ATRN: variants seen among roughly 807,000 people sequenced by gnomAD.
The protein encoded by ATRN is attractin, also known as attractin-2.
Under a neutral mutation model 178.7 loss-of-function variants are expected in ATRN, and 54 were observed. The observed-to-expected ratio is 0.30, with a 90% confidence interval of 0.24 to 0.38. ATRN has a LOEUF of 0.38. ATRN is among the 10% of genes least tolerant of loss of function. The pLI is 1.00. For synonymous variants in ATRN, 636 were observed against 663.0 expected, an observed-to-expected ratio of 0.96 and a Z score of 0.63; for missense variants, 1,443 against 1,815.1, an observed-to-expected ratio of 0.79 and a Z score of 3.73.
At chr20:3,548,600 C>CAAA (rs58357636) in intron 5 of ATRN, among the ~76,000 whole-genome samples, 1 of 114,376 alleles carries the variant, frequency 8.7e-6, no homozygotes. Flanking sequence ...GACTCCATCT[C>CAAA]AAAAAAAAAA....
rs891845516 is a variant in ATRN at position 3,544,496 on chromosome 20, T to TGTGGTG, written c.609-1244_609-1239dup. 5.1e-3 allele frequency among the ~76,000 whole-genome samples: 772 copies of TGTGGTG among 151,648 alleles called. 11 individuals carry two copies. Among genetic ancestry groups the TGTGGTG allele is most frequent in the African/African-American group, 0.017 (711 of 41,326 alleles). Reference sequence around the variant, plus strand: ...GGCAAGGATATAGGCTTTTACCAAATGTGGTGGTGGTGGTGGTGGTGGTGG... The same window carrying TGTGGTG: ...GGCAAGGATATAGGCTTTTACCAAATGTGGTGGTGGTGGTGGTGGTGGTGGTGGTGG... On this transcript the variant is annotated intron_variant, in intron 3 of 28. Coordinates refer to ENST00000262919, the MANE Select transcript of ATRN (RefSeq NM_139321.3).
chr20:3,583,160 C>T (rs1164614850), intron 16 of ATRN, among the ~76,000 whole-genome samples: 1 of 152,214 alleles, frequency 6.6e-6, no homozygotes, highest in Non-Finnish European at 1.5e-5. Flanking sequence ...CTAAACTTCT[C>T]TAGGGGAGCT....
intron 26 of ATRN, among the ~76,000 whole-genome samples, chr20:3,635,022 C>CGTGT: frequency 6.6e-6 from 1 of 151,712 alleles, no homozygotes; most frequent in Admixed American, 6.6e-5. Flanking sequence ...TGTGTATGTG[C>CGTGT]GTGTGTATGT....
At chr20:3,603,986 C>A in intron 23 of ATRN, 119 bp from the exon 24 acceptor site, 1 of 827,952 alleles carries the variant, frequency 1.2e-6, no homozygotes, top group Non-Finnish European at 1.8e-6. Flanking sequence ...AAGGCTATTA[C>A]TGGAACACAG....
intron 25 of ATRN, chr20:3,628,774 CAACT>C (rs1218500916): frequency 1.4e-5 from 8 of 552,862 alleles, no homozygotes; most frequent in African/African-American, 2.1e-5. Flanking sequence ...TGATATCAAC[CAACT>C]GACTGCTTCA....
At chr20:3,628,044 C>T (rs567701376) in intron 25 of ATRN, among the ~76,000 whole-genome samples, 5 of 152,016 alleles carry the variant, frequency 3.3e-5, no homozygotes, top group Admixed American at 6.6e-5. Flanking sequence ...CGGTGGTGGG[C>T]GCCTATAATC....
At chr20:3,559,263 G>T in intron 6 of ATRN, 130 bp from the exon 7 acceptor site, 1 of 693,998 alleles carries the variant, frequency 1.4e-6, no homozygotes, top group Non-Finnish European at 2.6e-6. Flanking sequence ...ATTTGTGAAG[G>T]TGACAAGTGC....
At position 3,576,886 on chromosome 20, in the gene ATRN, C is replaced by G. The variant is rs779569046; in HGVS notation, c.2242C>G (p.Pro748Ala). Residue 748 changes from proline to alanine, a missense_variant, in exon 14 of 29, where the codon CCC becomes GCC. Around this residue, in one of 4 missense-constraint regions of ATRN, gnomAD observed 862 missense variants for 972.1 expected, o/e 0.89. Coordinates refer to ENST00000262919, the MANE Select transcript of ATRN (RefSeq NM_139321.3). ...QISIFRYENC[P>A]KDNPMYYCNK... ...CTCCATTTTTAGGTATGAGAATTGC[C>G]CCAAGGATAACCCCATGTACTACTG... 2 of 1,613,968 alleles carry G rather than the reference C, an allele frequency of 1.2e-6. No individual in the cohort carries two copies. Among genetic ancestry groups the G allele is most frequent in the East Asian group, 4.5e-5 (2 of 44,866 alleles).
chr20:3,590,974 A>G (rs2086433704), intron 18 of ATRN, among the ~76,000 whole-genome samples, 195 bp from the exon 19 acceptor site: 1 of 152,232 alleles, frequency 6.6e-6, no homozygotes, highest in Non-Finnish European at 1.5e-5. Context: ...TTGCTGTGAT[A>G]CATTTTCAAT....
At chr20:3,592,967 TAGAC>T in intron 19 of ATRN, among the ~76,000 whole-genome samples, 1 of 152,340 alleles carries the variant, frequency 6.6e-6, no homozygotes, top group South Asian at 2.1e-4. Flanking sequence ...CTTAATCCGT[TAGAC>T]AGTAACCAGA....
intron 25 of ATRN, chr20:3,628,761 C>T (rs927889944): frequency 9.2e-5 from 39 of 424,620 alleles, no homozygotes; most frequent in African/African-American, 8.0e-4. Context: ...CTTGACTTCT[C>T]GGTGATATCA....
chr20:3,554,990 CTTTTTTT>C (rs536209701), intron 6 of ATRN, among the ~76,000 whole-genome samples: 1 of 67,458 alleles, frequency 1.5e-5, no homozygotes, highest in Non-Finnish European at 2.5e-5. Flanking sequence ...GACCTGACCT[CTTTTTTT>C]TTTTTTTTTT....
chr20:3,511,785 A>G (rs1347740904), intron 1 of ATRN, among the ~76,000 whole-genome samples: 1 of 152,116 alleles, frequency 6.6e-6, no homozygotes, highest in Non-Finnish European at 1.5e-5. Context: ...TATTTTCTTG[A>G]CAATCTTAAT....
chr20:3,472,021 T>C (rs375618643), intron 1 of ATRN, among the ~76,000 whole-genome samples: 115 of 152,062 alleles, frequency 7.6e-4, no homozygotes, highest in African/African-American at 2.6e-3. Flanking sequence ...GGTAGCATTG[T>C]AAGATATTAG....
At chr20:3,623,215 G>A (rs1462151237) in intron 24 of ATRN, among the ~76,000 whole-genome samples, 1 of 152,120 alleles carries the variant, frequency 6.6e-6, no homozygotes, top group Non-Finnish European at 1.5e-5. Context: ...GAGGACCATG[G>A]CTCATATTCC....
intron 25 of ATRN, among the ~76,000 whole-genome samples, chr20:3,628,499 G>A (rs570623962): frequency 3.3e-4 from 50 of 152,314 alleles, no homozygotes; most frequent in African/African-American, 1.1e-3. Context: ...ATTCTGAGTA[G>A]TGTGATGAAA....
chr20:3,602,976 A>T (rs1172974051), intron 23 of ATRN, among the ~76,000 whole-genome samples: 2 of 110,954 alleles, frequency 1.8e-5, no homozygotes, highest in Admixed American at 1.1e-4. Flanking sequence ...AAAAAAAAAA[A>T]AAAAAAAAAA....
At chr20:3,612,541 A>G (rs531503779) in intron 24 of ATRN, among the ~76,000 whole-genome samples, 23 of 152,240 alleles carry the variant, frequency 1.5e-4, no homozygotes, top group Admixed American at 1.3e-3. Context: ...TGCATTTGGA[A>G]TAGAGCTTGC....
intron 1 of ATRN, among the ~76,000 whole-genome samples, chr20:3,511,089 CTT>C (rs1382821739): frequency 1.3e-5 from 2 of 152,016 alleles, no homozygotes; most frequent in Non-Finnish European, 2.9e-5. Context: ...TCTGTCAAAC[CTT>C]TGAGATACAG....
Sources: allele counts gnomAD v4.1 joint callset (sites outside exome capture counted in the v4.1 genomes callset), GRCh38; gene constraint gnomAD v4.1.1; regional missense constraint gnomAD v4.1.1; transcripts MANE v1.5; gene names NCBI Gene and HGNC (gene_info 2026-07-23, HGNC 2026-07-21).